Variants in HM13 observed in about 807,000 individuals in gnomAD.
HM13 encodes signal peptide peptidase.
HM13 carries 18 observed loss-of-function variants against 50.0 expected under a neutral mutation model. That is an observed-to-expected ratio of 0.36 (90% CI 0.25 to 0.53). HM13 has a LOEUF of 0.53. Among genes scored for constraint, HM13 ranks in the 20% least tolerant of loss-of-function variants. The pLI, the probability that HM13 is intolerant of heterozygous loss-of-function variation, is 0.90. For synonymous variants in HM13, 197 were observed against 232.6 expected (o/e 0.85, Z 1.39); for missense variants, 393 against 552.4 (o/e 0.71, Z 2.89).
intron 11 of HM13, chr20:31,567,857 T>A: frequency 1.9e-6 from 1 of 533,986 alleles, no homozygotes; most frequent in Non-Finnish European, 3.3e-6. Flanking sequence ...TAGAGCATGC[T>A]TGTTCTTCTG....
intron 10 of HM13, chr20:31,562,764 A>G (rs1225898005): frequency 1.3e-5 from 2 of 152,216 alleles, no homozygotes; most frequent in Non-Finnish European, 1.5e-5. Context: ...ACTTTATAGA[A>G]GGTCAAAAGG....
At chr20:31,525,096 G>A (rs910542482) in intron 1 of HM13, among the ~76,000 whole-genome samples, 1 of 152,142 alleles carries the variant, frequency 6.6e-6, no homozygotes, top group Admixed American at 6.6e-5. Context: ...CGAAAAGGCT[G>A]GACAGGTTTA....
Position 31,548,895 on chromosome 20 carries a change from CA to C in HM13, c.455-133del, listed in dbSNP as rs983973420. 20 of 777,126 alleles carry C rather than the reference CA, an allele frequency of 2.6e-5. No individual in the cohort carries two copies. In the Admixed American group the frequency reaches 3.8e-4, roughly 15 times the overall value. 48.1% of individuals were successfully genotyped at this position (777,126 alleles called of 1,614,324 possible). A position where few individuals can be genotyped will look rare whatever the true frequency, so the allele number is the denominator to read the frequency against. ...TTCTGAAACTCATACTAATCTGGGGCAGCCAAGGCTTAGCCCCGCCAGCCTG... is the reference window on the plus strand; with the variant it reads ...TTCTGAAACTCATACTAATCTGGGGCGCCAAGGCTTAGCCCCGCCAGCCTG... On this transcript the variant is annotated intron_variant, in intron 4 of 12. Transcript: ENST00000398174.
At chr20:31,558,602 A>C (rs1600665180) in intron 8 of HM13, among the ~76,000 whole-genome samples, 2 of 150,766 alleles carry the variant, frequency 1.3e-5, no homozygotes, top group African/African-American at 2.4e-5. Flanking sequence ...CCCCTCCTTC[A>C]CCCCTGCCCA....
At chr20:31,533,713 G>A (rs1323884018) in intron 2 of HM13, among the ~76,000 whole-genome samples, 1 of 152,162 alleles carries the variant, frequency 6.6e-6, no homozygotes. Context: ...TTCACCCTGA[G>A]CCCCAAAGAA....
chr20:31,568,703 G>C (rs1194943111), intron 12 of HM13, among the ~76,000 whole-genome samples: 1 of 152,216 alleles, frequency 6.6e-6, no homozygotes, highest in Admixed American at 6.5e-5. Flanking sequence ...CAGTACAGCA[G>C]TGCCCTCACC....
At chr20:31,553,857 T>C (rs1320097246) in intron 7 of HM13, among the ~76,000 whole-genome samples, 1 of 152,008 alleles carries the variant, frequency 6.6e-6, no homozygotes, top group Non-Finnish European at 1.5e-5. Context: ...TCACCCTGCT[T>C]CAGAACAAGG....
Position 31,514,880 on chromosome 20 carries a change from C to G in HM13, c.183+146C>G, listed in dbSNP as rs1568775355. ...CACCGTTCCCTCTGTCTCGGGCCCA[C>G]ATTCCGGGGCTGGCATTTCCTACCC... On this transcript the variant is annotated intron_variant, in intron 1 of 12. Coordinates refer to ENST00000398174, the MANE Select transcript of HM13 (RefSeq NM_178581.3). This position sits in a 1 kb window ranked among gnomAD's most constrained non-coding sequence, Gnocchi z 4.3. 1 of 874,286 alleles carries G rather than the reference C, an allele frequency of 1.1e-6. No individual in the cohort carries two copies. Among genetic ancestry groups the G allele is most frequent in the Non-Finnish European group, 1.6e-6 (1 of 607,914 alleles). 54.2% of individuals were successfully genotyped at this position (874,286 alleles called of 1,614,324 possible). A position where few individuals can be genotyped will look rare whatever the true frequency, so the allele number is the denominator to read the frequency against.
At chr20:31,557,905 C>A (rs947671189) in intron 8 of HM13, among the ~76,000 whole-genome samples, 2 of 152,126 alleles carry the variant, frequency 1.3e-5, no homozygotes, top group African/African-American at 2.4e-5. Flanking sequence ...CGGGGTTGCA[C>A]CATTTTAGTC....
Position 31,568,082 on chromosome 20 carries a change from G to A in HM13, c.1039G>A (p.Glu347Lys), listed in dbSNP as rs377145183. The stretch of plus-strand genomic sequence containing the variant: ...TCTTCTCTCTCTCTCACACAGCTAC[G>A]AGTCCTCGGCGGAAATCCTGCCTCA... ...KGEVTEMFSY[E>K]SSAEILPHTP... is the part of the protein sequence containing the mutation. The change falls in exon 12 of 13, where the codon GAG becomes AAG. Residue 347 changes from glutamate to lysine, a missense_variant. Glu to Lys is a moderately conservative substitution (Grantham distance 56, BLOSUM62 1). Coordinates refer to ENST00000398174, the MANE Select transcript of HM13 (RefSeq NM_178581.3). 12 of 1,607,270 alleles carry A rather than the reference G, an allele frequency of 7.5e-6. No homozygotes were observed. Among genetic ancestry groups the A allele is most frequent in the South Asian group, 3.3e-5 (3 of 89,924 alleles).
intron 4 of HM13, among the ~76,000 whole-genome samples, chr20:31,547,170 C>T (rs1010179779): frequency 6.6e-6 from 1 of 152,166 alleles, no homozygotes; most frequent in Non-Finnish European, 1.5e-5. Flanking sequence ...CATCAGGGTG[C>T]GCATCTGCAG....
chr20:31,549,017 C>T lies in HM13; in HGVS notation c.455-12C>T, dbSNP rs779191250. On this transcript the variant is annotated splice_polypyrimidine_tract_variant and intron_variant, in intron 4 of 12. Coordinates refer to ENST00000398174, the MANE Select transcript of HM13 (RefSeq NM_178581.3). ...GCCTCAGGGAGTGGACTTACCTGGC[C>T]TCTCTGCTCAGAGATCATCAATTAT... 30 of 1,613,564 alleles carry T rather than the reference C, an allele frequency of 1.9e-5. 1 individual carries two copies. The East Asian group carries it at 6.5e-4, about 35-fold the overall frequency.
intron 8 of HM13, among the ~76,000 whole-genome samples, chr20:31,555,921 G>A (rs548506551): frequency 5.7e-4 from 86 of 152,022 alleles, no homozygotes; most frequent in Non-Finnish European, 1.0e-3. Context: ...AGTGAGCTAT[G>A]ATTGTGCCAC....
intron 2 of HM13, among the ~76,000 whole-genome samples, chr20:31,529,798 C>G (rs944587671): frequency 6.6e-5 from 10 of 151,964 alleles, no homozygotes; most frequent in Admixed American, 4.6e-4. Flanking sequence ...GAAACCCGGT[C>G]TCTACTAAAA....
intron 2 of HM13, among the ~76,000 whole-genome samples, chr20:31,534,800 A>G (rs1472402045): frequency 7.2e-6 from 1 of 138,290 alleles, no homozygotes. Context: ...AAAAAGAAGA[A>G]ATGGGCCGGG....
At chr20:31,541,504 A>G (rs1983450217) in intron 3 of HM13, 1 of 152,058 alleles carries the variant, frequency 6.6e-6, no homozygotes, top group South Asian at 2.1e-4. Context: ...AAAAAAAAAA[A>G]AAGAATAATG....
chr20:31,554,970 G>T lies in HM13; in HGVS notation c.808+141G>T. The T allele has an allele frequency of 6.7e-6, 5 of 748,768 alleles. No individual in the cohort carries two copies. The South Asian group carries it at 8.7e-5, about 13-fold the overall frequency. 46.4% of individuals were successfully genotyped at this position (748,768 alleles called of 1,614,324 possible). Reference sequence around the variant, plus strand: ...GGATCAGGCCAGGGATTGGTGAAGGGTTCCCCCTTAACATCCGTTTACGGA... The same window carrying T: ...GGATCAGGCCAGGGATTGGTGAAGGTTTCCCCCTTAACATCCGTTTACGGA... On this transcript the variant is annotated intron_variant, in intron 8 of 12. Coordinates refer to ENST00000398174, the MANE Select transcript of HM13 (RefSeq NM_178581.3).
chr20:31,527,202 G>T (rs1982537374), intron 1 of HM13, among the ~76,000 whole-genome samples: 1 of 152,174 alleles, frequency 6.6e-6, no homozygotes, highest in Non-Finnish European at 1.5e-5. Flanking sequence ...GCTGTGCATG[G>T]TTGTGCATGC....
chr20:31,519,348 G>A (rs1982007787), intron 1 of HM13, among the ~76,000 whole-genome samples: 1 of 152,180 alleles, frequency 6.6e-6, no homozygotes, highest in Non-Finnish European at 1.5e-5. Flanking sequence ...TGATCCACCC[G>A]CCTTGGCCTC....
Sources: gnomAD v4.1 joint callset for allele counts (sites outside exome capture counted in the v4.1 genomes callset) on GRCh38, gnomAD v4.1.1 for gene constraint, Gnocchi (gnomAD v3.1) non-coding constraint, MANE v1.5 for transcripts, NCBI Gene and HGNC (gene_info 2026-07-23, HGNC 2026-07-21) for gene names.